The following M1AP variants were observed in gnomAD, a reference collection of about 807,000 sequenced individuals.
M1AP encodes the protein meiosis 1 associated protein.
Under a neutral mutation model 51.2 loss-of-function variants are expected in M1AP, and 39 were observed. The observed-to-expected ratio is 0.76, with a 90% CI of 0.59 to 1.00. The LOEUF is 1.00. Among genes scored for constraint, M1AP ranks in the 50% least tolerant of loss-of-function variants. The probability of loss-of-function intolerance (pLI) is 0.00; values close to 1 mark genes in which losing one functional copy is unlikely to be tolerated. For missense variants in M1AP, 545 were observed against 641.2 expected, an observed-to-expected ratio of 0.85 and a Z score of 1.62; for synonymous variants, 251 against 249.2, an observed-to-expected ratio of 1.01 and a Z score of -0.07.
chr2:74,595,484 G>A (rs571095112), intron 4 of M1AP, among the ~76,000 whole-genome samples: 5 of 151,912 alleles, frequency 3.3e-5, no homozygotes, highest in African/African-American at 7.2e-5. Flanking sequence ...CCCGAGTAGC[G>A]GGGATTATAG....
intron 1 of M1AP, among the ~76,000 whole-genome samples, chr2:74,646,175 GCA>G (rs1174890755): frequency 5.9e-5 from 9 of 152,214 alleles, no homozygotes; most frequent in African/African-American, 2.2e-4. Context: ...GTCAGTTAAA[GCA>G]CAGACAGAAG....
intron 10 of M1AP, 27 bp from the exon 11 acceptor site, chr2:74,558,901 T>G (rs1677702351): frequency 6.4e-7 from 1 of 1,561,764 alleles, no homozygotes; most frequent in Admixed American, 2.2e-5. Flanking sequence ...CAGAGCCTTC[T>G]CTGAAGATCA....
intron 2 of M1AP, among the ~76,000 whole-genome samples, chr2:74,636,181 T>G (rs1156400408): frequency 1.3e-5 from 2 of 152,146 alleles, no homozygotes; most frequent in African/African-American, 4.8e-5. Context: ...ATCTTCTTGG[T>G]GGATTGACCT....
intron 2 of M1AP, among the ~76,000 whole-genome samples, chr2:74,632,410 A>T (rs1403057622): frequency 1.3e-5 from 2 of 152,178 alleles, no homozygotes; most frequent in African/African-American, 4.8e-5. Flanking sequence ...AGTCCTCCTC[A>T]GGCCCTCTGT....
At chr2:74,598,501 C>T (rs954482204) in intron 4 of M1AP, among the ~76,000 whole-genome samples, 1 of 151,802 alleles carries the variant, frequency 6.6e-6, no homozygotes, top group Non-Finnish European at 1.5e-5. Flanking sequence ...CCTCTATCTG[C>T]TTTTTTCTCA....
intron 2 of M1AP, among the ~76,000 whole-genome samples, chr2:74,627,857 A>G (rs562621819): frequency 2.0e-5 from 3 of 152,310 alleles, no homozygotes; most frequent in African/African-American, 7.2e-5. Flanking sequence ...TCATTTATAC[A>G]TAAGTCAAAT....
chr2:74,579,112 C>T (rs1679254460), intron 5 of M1AP, among the ~76,000 whole-genome samples: 1 of 152,168 alleles, frequency 6.6e-6, no homozygotes, highest in Non-Finnish European at 1.5e-5. Flanking sequence ...CGAAGACCTA[C>T]AGATTTCTGA....
intron 5 of M1AP, among the ~76,000 whole-genome samples, chr2:74,577,117 G>T (rs977185946): frequency 6.6e-6 from 1 of 152,256 alleles, no homozygotes; most frequent in Non-Finnish European, 1.5e-5. Context: ...CAGGCAGTCA[G>T]ATGACTGCTA....
intron 3 of M1AP, among the ~76,000 whole-genome samples, chr2:74,610,713 G>T (rs1681285348): frequency 6.6e-6 from 1 of 152,172 alleles, no homozygotes; most frequent in African/African-American, 2.4e-5. Flanking sequence ...CTCCCAAAGT[G>T]CTGGGATTAC....
In M1AP at chr2:74,560,140, GGGAGCGGTACCTTTCTC is replaced by G; in HGVS notation, c.1416_1422+10del. ...GAAGTAAGGAAGAGGAGGGAAGGAG[GGGAGCGGTACCTTTCTC>G]GGAGCTCGGCTCTCCCAGTGTGGGT... On this transcript the variant is annotated splice_donor_variant and splice_donor_5th_base_variant and coding_sequence_variant and intron_variant, in exon 9 of 11. Transcript: ENST00000421985. LOFTEE classifies it high-confidence loss of function. 6.2e-7 allele frequency: 1 copy of G among 1,613,256 alleles called. No individual in the cohort carries two copies. Among genetic ancestry groups the G allele is most frequent in the Admixed American group, 1.7e-5 (1 of 59,970 alleles).
chr2:74,626,146 C>G (rs754267488), intron 2 of M1AP, among the ~76,000 whole-genome samples: 13 of 152,018 alleles, frequency 8.6e-5, no homozygotes, highest in Non-Finnish European at 1.8e-4. Context: ...GTCCCCCTTT[C>G]AAGTTTGACT....
intron 2 of M1AP, chr2:74,628,673 T>A (rs547174406): frequency 2.9e-6 from 2 of 699,056 alleles, no homozygotes; most frequent in Non-Finnish European, 4.9e-6. Context: ...TCCACCAACA[T>A]AGGCCAACCA....
chr2:74,558,928 A>G, intron 10 of M1AP, 54 bp from the exon 11 acceptor site: 1 of 1,513,636 alleles, frequency 6.6e-7, no homozygotes, highest in Non-Finnish European at 8.8e-7. Flanking sequence ...CTGAGCACCT[A>G]TCCCATTCTC....
chr2:74,628,555 C>T, intron 2 of M1AP: 1 of 531,554 alleles, frequency 1.9e-6, no homozygotes, highest in Admixed American at 2.3e-5. Flanking sequence ...ACTGTAAGTC[C>T]CAATCAAAAG....
chr2:74,588,638 T>A (rs10187581), intron 4 of M1AP, among the ~76,000 whole-genome samples: 2 of 152,180 alleles, frequency 1.3e-5, no homozygotes, highest in Non-Finnish European at 2.9e-5. Context: ...GAGAAGCCCC[T>A]TGAAAAGAGT....
At chr2:74,640,698 C>T (rs1198257181) in intron 1 of M1AP, among the ~76,000 whole-genome samples, 5 of 152,090 alleles carry the variant, frequency 3.3e-5, no homozygotes, top group East Asian at 1.9e-4. Context: ...CCTCACGATC[C>T]GCCCGCCTTG....
intron 4 of M1AP, among the ~76,000 whole-genome samples, chr2:74,586,828 C>T (rs1679734339): frequency 2.0e-5 from 3 of 151,920 alleles, no homozygotes; most frequent in African/African-American, 4.8e-5. Context: ...TGGAGAAACC[C>T]GGTCTCCACT....
Position 74,562,310 on chromosome 2 carries a change from C to A in M1AP, c.1188G>T (p.Leu396=). The change falls in exon 8 of 11, where the codon CTG becomes CTT. Residue 396 remains leucine (L), a synonymous_variant. Transcript: ENST00000421985. ...GTTCCCGCGTGGCCACCGCCTTTAC[C>A]AGCAGTGTGAGGGAGTGTGACGGCA... is the stretch of plus-strand genomic sequence containing the variant. ...VIMPSHSLTL[L]VKAVATRELM... is the part of the protein sequence containing the mutation. 3 of 1,614,212 alleles carry A rather than the reference C, an allele frequency of 1.9e-6. No homozygotes were observed. The highest frequency in any genetic ancestry group is 2.5e-6 in the Non-Finnish European group (3 of 1,180,036).
chr2:74,620,796 A>C (rs1001898824), intron 2 of M1AP: 24 of 199,336 alleles, frequency 1.2e-4, no homozygotes, highest in African/African-American at 5.3e-4. Flanking sequence ...TTGGCTGACA[A>C]AATTCTTGCC....
Sources: allele counts gnomAD v4.1 joint callset (sites outside exome capture counted in the v4.1 genomes callset), GRCh38; gene constraint gnomAD v4.1.1; transcripts MANE v1.5; gene names NCBI Gene and HGNC (gene_info 2026-07-23, HGNC 2026-07-21).